Variants in TSC2 observed in about 807,000 individuals in gnomAD.
TSC2 encodes the protein TSC complex subunit 2, also known as tuberin.
Under a neutral mutation model 202.2 loss-of-function variants are expected in TSC2, and 29 were observed. That is an observed-to-expected ratio of 0.14 (90% CI 0.11 to 0.20). TSC2 has a LOEUF of 0.20. Ranked by LOEUF, TSC2 falls within the 10% of genes least tolerant of loss-of-function variation. TSC2 has a pLI of 1.00. For synonymous variants in TSC2, 1,349 were observed against 1,044.0 expected (o/e 1.29, Z -5.63); for missense variants, 2,429 against 2,420.0 (o/e 1.00, Z -0.08).
chr16:2,053,303 A>G (rs1441896515), intron 3 of TSC2, 39 bp from the exon 4 acceptor site: 4 of 1,547,130 alleles, frequency 2.6e-6, no homozygotes, highest in Non-Finnish European at 1.7e-6. Flanking sequence ...GGGTTCTTGG[A>G]GAGCACATCC....
In TSC2 at chr16:2,080,196, C is replaced by T. The variant is rs45487691; in HGVS notation, c.3429C>T (p.Asp1143=). Residue 1143 remains aspartate (D), a synonymous_variant, in exon 30 of 42, where the codon GAC becomes GAT. Coordinates refer to ENST00000219476, the MANE Select transcript of TSC2 (RefSeq NM_000548.5). ...ATGGTCTTCGAGTTGGCGCCCTGGACGTGCCGGCCTCCCAGTTCCTGGGCA... is the reference window on the plus strand; with the variant it reads ...ATGGTCTTCGAGTTGGCGCCCTGGATGTGCCGGCCTCCCAGTTCCTGGGCA... ...GGHGLRVGAL[D]VPASQFLGSA... The T allele has an allele frequency of 1.3e-4, 206 of 1,612,840 alleles. No individual in the cohort carries two copies. The highest frequency in any genetic ancestry group is 1.7e-4 in the Admixed American group (10 of 60,014).
intron 37 of TSC2, 101 bp downstream of exon 37, chr16:2,086,480 C>T: frequency 6.7e-7 from 1 of 1,501,558 alleles, no homozygotes; most frequent in Non-Finnish European, 9.0e-7. Flanking sequence ...CCTGGCACCC[C>T]CACCTGCTCC....
Position 2,057,195 on chromosome 16 carries a change from G to GGGCGCAGGGCAGTGGAGGCC in TSC2, c.848+18_848+37dup, listed in dbSNP as rs2085970777. 9.7e-6 allele frequency: 15 copies of GGGCGCAGGGCAGTGGAGGCC among 1,551,568 alleles called. No individual in the cohort carries two copies. Among genetic ancestry groups the GGGCGCAGGGCAGTGGAGGCC allele is most frequent in the Non-Finnish European group, 1.3e-5 (15 of 1,146,970 alleles). ...GGAGGACAGGTGAGTGTGGTGGGTG[G>GGGCGCAGGGCAGTGGAGGCC]GGCGCAGGGCAGTGGAGGCCAGCAC... On this transcript the variant is annotated intron_variant, in intron 9 of 41. Transcript: ENST00000219476.
intron 17 of TSC2, chr16:2,071,305 A>C: frequency 3.2e-6 from 2 of 626,104 alleles, no homozygotes; most frequent in Non-Finnish European, 2.9e-6. Flanking sequence ...CTCCGAGGCA[A>C]GGGAGGGAGG....
Position 2,064,626 on chromosome 16 carries a change from T to C in TSC2, c.1599+199T>C, listed in dbSNP as rs2087068617. ...GGATTTGTGTCCTGACTGAAAGTCC[T>C]GGACATGGGTGTCCTGTCACACTCT... On this transcript the variant is annotated intron_variant, in intron 15 of 41. Transcript: ENST00000219476. The C allele has an allele frequency of 2.1e-5, 16 of 777,948 alleles. No individual in the cohort carries two copies. The South Asian group carries it at 2.7e-4, about 13-fold the overall frequency. 48.2% of individuals were successfully genotyped at this position (777,948 alleles called of 1,614,324 possible). A position where few individuals can be genotyped will look rare whatever the true frequency, so the allele number is the denominator to read the frequency against.
rs2090868646 is a variant in TSC2, at chr16:2,086,858, T to G, written c.4976T>G (p.Leu1659Arg). The change falls in exon 38 of 42, where the codon CTT becomes CGT. Residue 1659 changes from leucine (L) to arginine (R), a missense_variant. Physicochemically the swap from Leu to Arg is moderately radical, Grantham distance 102. Coordinates refer to ENST00000219476, the MANE Select transcript of TSC2 (RefSeq NM_000548.5). The part of the protein sequence containing the change: ...VYNDSGEDFK[L>R]GTIKGQFNFV... ...AATGACTCCGGTGAGGACTTCAAGC[T>G]TGGCACCATCAAGGTGAGTGAGGGG... 4.4e-6 allele frequency: 7 copies of G among 1,594,868 alleles called. No individual in the cohort carries two copies. The highest frequency in any genetic ancestry group is 6.0e-6 in the Non-Finnish European group (7 of 1,171,646).
chr16:2,072,475 C>G, intron 20 of TSC2, 112 bp downstream of exon 20: 1 of 1,506,828 alleles, frequency 6.6e-7, no homozygotes, highest in Non-Finnish European at 9.0e-7. Context: ...GCTCCATTTC[C>G]CTCAAACTCA....
intron 10 of TSC2, among the ~76,000 whole-genome samples, chr16:2,059,088 G>A (rs2086282771): frequency 6.9e-6 from 1 of 145,958 alleles, no homozygotes; most frequent in Non-Finnish European, 1.5e-5. Context: ...CTTTCTGCTT[G>A]GCTGACTGCA....
In TSC2 at chr16:2,057,134, G is replaced by C; in HGVS notation, c.804G>C (p.Leu268=). 6.4e-7 allele frequency: 1 copy of C among 1,551,680 alleles called. No individual in the cohort carries two copies. The highest frequency in any genetic ancestry group is 8.7e-7 in the Non-Finnish European group (1 of 1,147,032). ...KLMRNLLGTH[L]GHSAIYNMCH... ...TGCGGAACCTCCTTGGCACCCACCT[G>C]GGCCACAGCGCCATCTACAACATGT... is the stretch of plus-strand genomic sequence containing the variant. Residue 268 remains leucine, a synonymous_variant, in exon 9 of 42, where the codon CTG becomes CTC. Transcript: ENST00000219476.
At chr16:2,080,081 A>G in intron 29 of TSC2, 84 bp from the exon 30 acceptor site, 1 of 1,576,240 alleles carries the variant, frequency 6.3e-7, no homozygotes, top group Non-Finnish European at 8.7e-7. Flanking sequence ...CTAGCTTGCC[A>G]GGCTCGGGGG....
At chr16:2,083,638 T>C (rs2151508303) in intron 32 of TSC2, 57 bp from the exon 33 acceptor site, 2 of 1,551,962 alleles carry the variant, frequency 1.3e-6, no homozygotes, top group Non-Finnish European at 1.7e-6. Flanking sequence ...GGAGGCCACG[T>C]CAGGGCCAGG....
chr16:2,056,164 G>T lies in TSC2; in HGVS notation c.600-32G>T, dbSNP rs577202733. On this transcript the variant is annotated intron_variant, in intron 6 of 41. Coordinates refer to ENST00000219476, the MANE Select transcript of TSC2 (RefSeq NM_000548.5). Reference sequence around the variant, plus strand: ...GTGGTGGCTCGGCCATCCAGGCAGTGCTGCCGGGACTGAGCTCGGTGCTCC... The same window carrying T: ...GTGGTGGCTCGGCCATCCAGGCAGTTCTGCCGGGACTGAGCTCGGTGCTCC... 23 of 1,613,062 alleles carry T rather than the reference G, an allele frequency of 1.4e-5. No homozygotes were observed. The African/African-American group carries it at 2.8e-4, about 20-fold the overall frequency.
intron 8 of TSC2, 142 bp from the exon 9 acceptor site, chr16:2,056,963 C>T: frequency 1.5e-6 from 2 of 1,369,726 alleles, no homozygotes; most frequent in South Asian, 1.2e-5. Flanking sequence ...ACCCTGCTGC[C>T]TCTGTCTTTG....
rs1308764758 is a variant in TSC2 at position 2,086,255 on chromosome 16, G to C, written c.4725G>C (p.Leu1575=). The C allele has an allele frequency of 6.2e-7, 1 of 1,612,826 alleles. No individual in the cohort carries two copies. The highest frequency in any genetic ancestry group is 1.3e-5 in the African/African-American group (1 of 75,048). Residue 1575 remains leucine, a synonymous_variant, in exon 37 of 42, where the codon CTG becomes CTC. Transcript: ENST00000219476. ...GCTCCTACAGGTACACGGAGTTCCT[G>C]ACGGGCCTGGGCCGGCTCATCGAGC... ...EHGSYRYTEF[L]TGLGRLIELK...
chr16:2,050,778 G>T (rs1186304098), intron 3 of TSC2, among the ~76,000 whole-genome samples: 1 of 151,496 alleles, frequency 6.6e-6, no homozygotes, highest in Non-Finnish European at 1.5e-5. Context: ...TAGTAGAGAC[G>T]GGGTTTCGCC....
intron 5 of TSC2, 162 bp from the exon 6 acceptor site, chr16:2,055,240 C>A: frequency 2.8e-6 from 2 of 709,466 alleles, no homozygotes; most frequent in Non-Finnish European, 5.1e-6. Context: ...CTCCCCTGAG[C>A]CTCTTCGGGC....
chr16:2,055,564 C>G lies in TSC2; in HGVS notation c.599+45C>G, dbSNP rs764430620. 73 of 1,556,786 alleles carry G rather than the reference C, an allele frequency of 4.7e-5. 1 individual carries two copies. Among genetic ancestry groups the G allele is most frequent in the Middle Eastern group, 3.3e-4 (2 of 5,984 alleles). ...CCTGTTCTGATAATGGTCCTAAGTT[C>G]AGCTCCGCAGTGAATAAAGTTGAAA... On this transcript the variant is annotated intron_variant, in intron 6 of 41. Coordinates refer to ENST00000219476, the MANE Select transcript of TSC2 (RefSeq NM_000548.5).
Position 2,088,606 on chromosome 16 carries a change from T to TGTGAGGC in TSC2, c.5421_*3dup. The TGTGAGGC allele has an allele frequency of 6.2e-7, 1 of 1,603,026 alleles. No homozygotes were observed. The highest frequency in any genetic ancestry group is 8.5e-7 in the Non-Finnish European group (1 of 1,179,574). ...TCGGTGGAGGACTTCACCGAGTTTG[T>TGTGAGGC]GTGAGGCCGGGGCCCTCCCTCCTGC... On this transcript the variant is annotated stop_gained and frameshift_variant, in exon 42 of 42. Coordinates refer to ENST00000219476, the MANE Select transcript of TSC2 (RefSeq NM_000548.5). LOFTEE classifies it high-confidence loss of function.
At chr16:2,070,669 G>T (rs572516309) in intron 17 of TSC2, 91 bp downstream of exon 17, 5 of 1,589,034 alleles carry the variant, frequency 3.1e-6, no homozygotes, top group South Asian at 1.1e-5. Context: ...CTGCAGAGAC[G>T]GCCCCAGGAT....
Sources: gnomAD v4.1 joint callset for allele counts (sites outside exome capture counted in the v4.1 genomes callset) on GRCh38, gnomAD v4.1.1 for gene constraint, MANE v1.5 for transcripts, NCBI Gene and HGNC (gene_info 2026-07-23, HGNC 2026-07-21) for gene names.